RNF130: variants seen among roughly 807,000 people sequenced by gnomAD.
The protein encoded by RNF130 is E3 ubiquitin-protein ligase RNF130.
Under a neutral mutation model 44.6 loss-of-function variants are expected in RNF130, and 21 were observed. The observed-to-expected ratio is 0.47, with a 90% CI of 0.33 to 0.68. RNF130 has a LOEUF of 0.68. Among genes scored for constraint, RNF130 ranks in the 30% least tolerant of loss-of-function variants. The pLI, the probability that RNF130 is intolerant of heterozygous loss-of-function variation, is 0.02. For missense variants in RNF130, 479 were observed against 560.6 expected (o/e 0.85, Z 1.47); for synonymous variants, 214 against 210.4 (o/e 1.02, Z -0.15).
intron 1 of RNF130, among the ~76,000 whole-genome samples, chr5:180,057,811 T>C (rs1394082511): frequency 1.3e-5 from 2 of 152,170 alleles, no homozygotes; most frequent in Non-Finnish European, 2.9e-5. Flanking sequence ...TGAGCTGTTA[T>C]ATAGCAAATT....
At position 180,051,344 on chromosome 5, in the gene RNF130, G is replaced by A. The variant is rs545553269; in HGVS notation, c.248-10697C>T. On this transcript the variant is annotated intron_variant, in intron 1 of 8. Transcript: ENST00000521389. ...GGCTCACTGCAAGCTCTGCCTCCCG[G>A]GTTGACGCCATTCTCCTGCCTCAGC... is the stretch of plus-strand genomic sequence containing the variant. Among the ~76,000 whole-genome samples, 149 of 151,894 alleles carry A rather than the reference G, an allele frequency of 9.8e-4. 1 individual carries two copies. Among genetic ancestry groups the A allele is most frequent in the Non-Finnish European group, 1.9e-3 (132 of 67,998 alleles).
chr5:179,935,481 ACATTTGTTTCTTTT>A (rs1362500237), intron 7 of RNF130, among the ~76,000 whole-genome samples: 1 of 151,732 alleles, frequency 6.6e-6, no homozygotes, highest in Non-Finnish European at 1.5e-5. Context: ...CTGACTTTCA[ACATTTGTTTCTTTT>A]CATTAAAGAT....
At chr5:180,068,668 C>T (rs985644720) in intron 1 of RNF130, among the ~76,000 whole-genome samples, 8 of 152,190 alleles carry the variant, frequency 5.3e-5, no homozygotes, top group Admixed American at 1.3e-4. Context: ...CACTGCAAAG[C>T]GAACAGGAAG....
At chr5:179,935,716 T>TA (rs1257217141) in intron 7 of RNF130, among the ~76,000 whole-genome samples, 1 of 152,164 alleles carries the variant, frequency 6.6e-6, no homozygotes, top group Non-Finnish European at 1.5e-5. Flanking sequence ...TTTCTCTCTA[T>TA]TAGTGTATTA....
chr5:180,006,396 C>T (rs1400448060), intron 3 of RNF130, among the ~76,000 whole-genome samples: 1 of 152,188 alleles, frequency 6.6e-6, no homozygotes, highest in African/African-American at 2.4e-5. Context: ...TATATTTCCA[C>T]ATTCTGACAG....
chr5:180,048,055 C>G (rs1204274392), intron 1 of RNF130, among the ~76,000 whole-genome samples: 1 of 151,974 alleles, frequency 6.6e-6, no homozygotes, highest in Non-Finnish European at 1.5e-5. Context: ...TGCTGAGCAG[C>G]CCTCTTCTGA....
intron 4 of RNF130, 45 bp from the exon 5 acceptor site, chr5:179,978,330 T>A: frequency 7.7e-7 from 1 of 1,295,698 alleles, no homozygotes; most frequent in Non-Finnish European, 1.1e-6. Flanking sequence ...GCTGCAAGTA[T>A]ATAAATGGTT....
exon 8 of RNF130, chr5:179,915,973 C>G (rs1403804048): frequency 6.6e-6 from 1 of 152,218 alleles, no homozygotes; most frequent in Non-Finnish European, 1.5e-5. Context: ...TTCACCCCAA[C>G]TTCAAGCATG....
chr5:179,945,336 G>T (rs541343304), intron 7 of RNF130, among the ~76,000 whole-genome samples: 1 of 152,316 alleles, frequency 6.6e-6, no homozygotes, highest in South Asian at 2.1e-4. Flanking sequence ...CAGATCAGCT[G>T]CAAAACCTCA....
intron 2 of RNF130, among the ~76,000 whole-genome samples, chr5:180,027,617 C>A (rs1364272521): frequency 6.6e-6 from 1 of 152,170 alleles, no homozygotes; most frequent in East Asian, 1.9e-4. Context: ...TCTATAACCA[C>A]TGTCCCTCTC....
intron 2 of RNF130, among the ~76,000 whole-genome samples, chr5:180,013,626 C>G (rs1582188467): frequency 6.6e-6 from 1 of 152,300 alleles, no homozygotes; most frequent in South Asian, 2.1e-4. Flanking sequence ...TGACAACAGA[C>G]AGCAACATAA....
At chr5:179,959,272 C>T (rs1470240854) in intron 8 of RNF130, among the ~76,000 whole-genome samples, 1 of 152,130 alleles carries the variant, frequency 6.6e-6, no homozygotes, top group East Asian at 1.9e-4. Context: ...AACCAAGCAT[C>T]CCCAAGACAT....
chr5:180,052,584 C>T (rs1391594017), intron 1 of RNF130, among the ~76,000 whole-genome samples: 2 of 152,158 alleles, frequency 1.3e-5, no homozygotes, highest in East Asian at 1.9e-4. Flanking sequence ...ACTAATGACT[C>T]GATGCAATGA....
chr5:180,063,494 T>C (rs1372302835), intron 1 of RNF130, among the ~76,000 whole-genome samples: 2 of 152,212 alleles, frequency 1.3e-5, no homozygotes, highest in Non-Finnish European at 2.9e-5. Context: ...AAGCTCCATC[T>C]GGAGCTTATC....
At chr5:180,050,282 C>G (rs1178076670) in intron 1 of RNF130, among the ~76,000 whole-genome samples, 1 of 152,198 alleles carries the variant, frequency 6.6e-6, no homozygotes, top group Non-Finnish European at 1.5e-5. Context: ...AGTTCCAGGC[C>G]AAAGACCAGC....
exon 8 of RNF130, chr5:179,912,379 G>C (rs1761478933): frequency 6.6e-6 from 1 of 152,226 alleles, no homozygotes; most frequent in Non-Finnish European, 1.5e-5. Flanking sequence ...GCCTTTTCCT[G>C]TTTTTGTAAT....
In RNF130 at chr5:180,055,478, G is replaced by A. The variant is rs78271874; in HGVS notation, c.248-14831C>T. Among the ~76,000 whole-genome samples the A allele has an allele frequency of 9.2e-3, 1,389 of 151,762 alleles. 25 individuals are homozygous for A. Among genetic ancestry groups the A allele is most frequent in the African/African-American group, 0.032 (1,314 of 41,346 alleles). On this transcript the variant is annotated intron_variant, in intron 1 of 8. Coordinates refer to ENST00000521389, the MANE Select transcript of RNF130 (RefSeq NM_018434.6). The stretch of plus-strand genomic sequence containing the variant: ...CGTGTGTGTGTGTGTGTGCGCGCGC[G>A]CACGCGTATGTGTCTGTGTGTCTGT...
At chr5:180,063,440 C>T (rs1765031655) in intron 1 of RNF130, among the ~76,000 whole-genome samples, 1 of 152,118 alleles carries the variant, frequency 6.6e-6, no homozygotes, top group South Asian at 2.1e-4. Flanking sequence ...ATGGGAAAGA[C>T]TGGAGAGCAG....
chr5:179,931,128 T>C (rs895144268), intron 7 of RNF130, among the ~76,000 whole-genome samples: 1 of 151,884 alleles, frequency 6.6e-6, no homozygotes. Context: ...GGTGACCGCA[T>C]GACTGATTGG....
Sources: gnomAD v4.1 joint callset for allele counts (sites outside exome capture counted in the v4.1 genomes callset) on GRCh38, gnomAD v4.1.1 for gene constraint, MANE v1.5 for transcripts, NCBI Gene and HGNC (gene_info 2026-07-23, HGNC 2026-07-21) for gene names.